Variants in LARGE1 observed in about 807,000 individuals in gnomAD.
The protein encoded by LARGE1 is LARGE xylosyl- and glucuronyltransferase 1.
Under a neutral mutation model 87.6 loss-of-function variants are expected in LARGE1, and 43 were observed. The ratio of observed to expected loss-of-function variants is 0.49; its 90% confidence interval spans 0.38 to 0.63. The LOEUF is 0.63. Ranked by LOEUF, LARGE1 falls within the 30% of genes least tolerant of loss-of-function variation. The pLI is 0.00. For missense variants in LARGE1, 802 were observed against 1,000.2 expected (o/e 0.80, Z 2.67); for synonymous variants, 434 against 394.6 (o/e 1.10, Z -1.18).
At chr22:33,188,276 C>T (rs549496524) in intron 11 of LARGE1, among the ~76,000 whole-genome samples, 1 of 152,210 alleles carries the variant, frequency 6.6e-6, no homozygotes, top group South Asian at 2.1e-4. Context: ...TCTTACTGGA[C>T]ACTAATGGAG....
chr22:33,754,494 C>A (rs570634782), intron 2 of LARGE1, among the ~76,000 whole-genome samples: 2 of 152,116 alleles, frequency 1.3e-5, no homozygotes, highest in East Asian at 3.9e-4. Flanking sequence ...CACCACCACG[C>A]CCGGCTAATT....
intron 5 of LARGE1, among the ~76,000 whole-genome samples, chr22:33,580,325 G>A (rs191373578): frequency 1.3e-5 from 2 of 151,350 alleles, no homozygotes; most frequent in East Asian, 1.9e-4. Context: ...AGTCGAGATC[G>A]CACCACTGCA....
At chr22:33,129,738 A>G in the LARGE1 span, among the ~76,000 whole-genome samples, 1 of 152,150 alleles carries the variant, frequency 6.6e-6, no homozygotes, top group Non-Finnish European at 1.5e-5. Context: ...CCTTCTTGAC[A>G]GGGCAGCAGG....
In LARGE1 at chr22:33,400,721, T is replaced by C. The variant is rs5998927; in HGVS notation, c.893-16417A>G. 8.8e-3 allele frequency among the ~76,000 whole-genome samples: 1,344 copies of C among 152,324 alleles called. 20 individuals carry two copies. The highest frequency in any genetic ancestry group is 0.031 in the African/African-American group (1,274 of 41,572). ...AGGAAGCTTTCTGCAACTTCCAGCT[T>C]AAACAAAGTGAGTCTGCATGGAAGG... is the stretch of plus-strand genomic sequence containing the variant. On this transcript the variant is annotated intron_variant, in intron 7 of 14. Coordinates refer to ENST00000397394, the MANE Select transcript of LARGE1 (RefSeq NM_133642.5).
chr22:33,442,686 C>T (rs2067521552), intron 6 of LARGE1, among the ~76,000 whole-genome samples: 1 of 152,098 alleles, frequency 6.6e-6, no homozygotes, highest in African/African-American at 2.4e-5. Context: ...TCTTCTTTTA[C>T]TTGTGCTGTC....
At chr22:33,558,765 G>A (rs2077769240) in intron 6 of LARGE1, among the ~76,000 whole-genome samples, 1 of 152,198 alleles carries the variant, frequency 6.6e-6, no homozygotes, top group South Asian at 2.1e-4. Flanking sequence ...TTCTACAAAT[G>A]TCTTTTCAAA....
rs147372903 is a variant in LARGE1, at chr22:33,609,249, T to C, written c.492-4691A>G. 2.0e-4 allele frequency among the ~76,000 whole-genome samples: 31 copies of C among 152,184 alleles called. No individual in the cohort carries two copies. The East Asian group carries it at 5.6e-3, about 28-fold the overall frequency. ...AAAAAACTCCACAAACGTCAGAACA[T>C]GGATGCGCCGCTGTGCTGGGCTGCC... On this transcript the variant is annotated intron_variant, in intron 4 of 14. Transcript: ENST00000397394.
chr22:33,843,440 A>AAAAT (rs59206767), intron 1 of LARGE1, among the ~76,000 whole-genome samples: 27,844 of 146,470 alleles, frequency 0.19, 2,804 homozygotes, highest in Middle Eastern at 0.23. Flanking sequence ...CCCTCTCAAA[A>AAAAT]AAATAAATAA....
chr22:33,731,089 G>A (rs1484326495), intron 2 of LARGE1, among the ~76,000 whole-genome samples: 2 of 148,362 alleles, frequency 1.3e-5, no homozygotes, highest in African/African-American at 2.5e-5. Flanking sequence ...TGCAAGCTCC[G>A]CCTCCCGGGT....
intron 2 of LARGE1, among the ~76,000 whole-genome samples, chr22:33,699,487 G>A (rs1032062524): frequency 7.2e-5 from 11 of 152,220 alleles, no homozygotes; most frequent in South Asian, 2.1e-4. Flanking sequence ...GTTAAGTGTC[G>A]TCTTCACAGG....
At chr22:33,338,215 G>A (rs1256185390) in intron 9 of LARGE1, among the ~76,000 whole-genome samples, 1 of 152,160 alleles carries the variant, frequency 6.6e-6, no homozygotes, top group Non-Finnish European at 1.5e-5. Context: ...TGAAGGGTCT[G>A]GAAGGGGAGA....
intron 5 of LARGE1, among the ~76,000 whole-genome samples, chr22:33,568,360 A>G (rs2078090224): frequency 6.6e-6 from 1 of 152,236 alleles, no homozygotes; most frequent in Admixed American, 6.5e-5. Flanking sequence ...CATCAGCCTC[A>G]TGGAGCATAA....
intron 6 of LARGE1, among the ~76,000 whole-genome samples, chr22:33,515,161 G>A (rs1393402591): frequency 6.6e-6 from 1 of 151,710 alleles, no homozygotes; most frequent in Admixed American, 6.6e-5. Flanking sequence ...AAAAAAGAAT[G>A]AATGCTGCAT....
At chr22:33,918,098 C>T (rs547418652) in intron 1 of LARGE1, among the ~76,000 whole-genome samples, 14 of 152,308 alleles carry the variant, frequency 9.2e-5, no homozygotes, top group Non-Finnish European at 2.1e-4. Flanking sequence ...AGGAAACCTT[C>T]GTCACAACCT....
At chr22:33,466,036 C>T (rs759607990) in intron 6 of LARGE1, among the ~76,000 whole-genome samples, 3 of 152,176 alleles carry the variant, frequency 2.0e-5, no homozygotes, top group Non-Finnish European at 2.9e-5. Context: ...GTAGCCTATA[C>T]GTCCCTACCC....
chr22:33,522,166 T>C (rs773562214), intron 6 of LARGE1, among the ~76,000 whole-genome samples: 3 of 152,180 alleles, frequency 2.0e-5, no homozygotes, highest in Admixed American at 6.5e-5. Flanking sequence ...AACATGAGAT[T>C]TGGAGGTGAT....
intron 6 of LARGE1, among the ~76,000 whole-genome samples, chr22:33,451,322 G>C (rs1052531486): frequency 6.6e-5 from 10 of 151,874 alleles, no homozygotes; most frequent in African/African-American, 2.2e-4. Flanking sequence ...TGACCACCAA[G>C]AAAAGAACGC....
chr22:33,451,521 C>G (rs2067919818), intron 6 of LARGE1, among the ~76,000 whole-genome samples: 1 of 151,712 alleles, frequency 6.6e-6, no homozygotes, highest in South Asian at 2.1e-4. Context: ...AAACCCTTTC[C>G]CCACCGAGTC....
chr22:33,729,538 A>G (rs932106163), intron 2 of LARGE1, among the ~76,000 whole-genome samples: 11 of 152,258 alleles, frequency 7.2e-5, no homozygotes, highest in African/African-American at 2.7e-4. Context: ...ATAACACACC[A>G]GACTTCCTCC....
Sources: gnomAD v4.1 joint callset for allele counts (sites outside exome capture counted in the v4.1 genomes callset) on GRCh38, gnomAD v4.1.1 for gene constraint, MANE v1.5 for transcripts, NCBI Gene and HGNC (gene_info 2026-07-23, HGNC 2026-07-21) for gene names.